PTCD3: variants seen among roughly 807,000 people sequenced by gnomAD.
PTCD3 encodes the protein pentatricopeptide repeat domain 3.
PTCD3 carries 89 observed loss-of-function variants against 101.9 expected under a neutral mutation model. That is an observed-to-expected ratio of 0.87 (90% CI 0.74 to 1.04). PTCD3 has a LOEUF of 1.04. Ranked by LOEUF, PTCD3 falls within the 50% of genes least tolerant of loss-of-function variation. The probability of loss-of-function intolerance (pLI) is 0.00; values close to 1 mark genes in which losing one functional copy is unlikely to be tolerated. For synonymous variants in PTCD3, 296 were observed against 278.5 expected, an observed-to-expected ratio of 1.06 and a Z score of -0.63; for missense variants, 870 against 828.2, an observed-to-expected ratio of 1.05 and a Z score of -0.62.
Position 86,137,681 on chromosome 2 carries a change from G to C in PTCD3, c.*122G>C. On this transcript the variant is annotated 3_prime_UTR_variant, in exon 24 of 24. Transcript: ENST00000254630. ...GAAAAGATACAGATTTGGTGAATTT[G>C]TTACTGTGAGGTACAGTCAGTACAC... The C allele has an allele frequency of 6.9e-7, 1 of 1,440,192 alleles. No homozygotes were observed. Among genetic ancestry groups the C allele is most frequent in the East Asian group, 2.6e-5 (1 of 39,112 alleles). 89.2% of individuals were successfully genotyped at this position (1,440,192 alleles called of 1,614,324 possible). A position where few individuals can be genotyped will look rare whatever the true frequency, so the allele number is the denominator to read the frequency against.
chr2:86,136,916 G>C, intron 22 of PTCD3, 66 bp from the exon 23 acceptor site: 1 of 1,575,012 alleles, frequency 6.3e-7, no homozygotes, highest in Non-Finnish European at 8.7e-7. Context: ...ACTTACACTG[G>C]ATCTTGCCTA....
intron 23 of PTCD3, 136 bp from the exon 24 acceptor site, chr2:86,137,333 A>T: frequency 7.4e-7 from 1 of 1,358,916 alleles, no homozygotes; most frequent in Non-Finnish European, 9.9e-7. Flanking sequence ...TTTTGTTTCT[A>T]ATATAGTTTA....
rs1475403237 is a variant in PTCD3, at chr2:86,141,528, A to G, written c.*3969A>G. 1 of 152,242 alleles carries G rather than the reference A, an allele frequency of 6.6e-6. No individual in the cohort carries two copies. The highest frequency in any genetic ancestry group is 1.5e-5 in the Non-Finnish European group (1 of 68,042). 9.4% of individuals were successfully genotyped at this position (152,242 alleles called of 1,614,324 possible). A position where few individuals can be genotyped will look rare whatever the true frequency, so the allele number is the denominator to read the frequency against. On this transcript the variant is annotated 3_prime_UTR_variant, in exon 24 of 24. Transcript: ENST00000254630. Reference sequence around the variant, plus strand: ...AACCTGTTAAGAGAACAGGGGATTTAAATACAAAGGAATATGAAGGTGGTG... The same window carrying G: ...AACCTGTTAAGAGAACAGGGGATTTGAATACAAAGGAATATGAAGGTGGTG...
intron 16 of PTCD3, among the ~76,000 whole-genome samples, chr2:86,131,838 A>G (rs1208325955): frequency 6.6e-6 from 1 of 152,258 alleles, no homozygotes; most frequent in Non-Finnish European, 1.5e-5. Context: ...TTCAATAGCA[A>G]AAACCACAAT....
rs560672839 is a variant in PTCD3, at chr2:86,116,370, T to C, written c.241-160T>C. On this transcript the variant is annotated intron_variant, in intron 4 of 23. Transcript: ENST00000254630. ...GGGTGACACAGCAAGACACCCTCTC[T>C]GCAAAAAATTTTGTGAAATGGCCAG... is the stretch of plus-strand genomic sequence containing the variant. Among the ~76,000 whole-genome samples, 18 of 152,280 alleles carry C rather than the reference T, an allele frequency of 1.2e-4. No individual in the cohort carries two copies. In the East Asian group the frequency reaches 3.1e-3, roughly 26 times the overall value.
chr2:86,119,283 T>A (rs1217372807), intron 7 of PTCD3: 4 of 513,622 alleles, frequency 7.8e-6, no homozygotes, highest in African/African-American at 2.0e-5. Context: ...AGAGAAATTG[T>A]ATCACCCTTC....
chr2:86,135,223 C>G (rs1212045278), intron 21 of PTCD3: 2 of 400,808 alleles, frequency 5.0e-6, no homozygotes, highest in Admixed American at 8.0e-5. Context: ...CTTTCTGTGT[C>G]TATGGACAAG....
chr2:86,121,882 A>G (rs1674290131), intron 8 of PTCD3, among the ~76,000 whole-genome samples: 1 of 152,228 alleles, frequency 6.6e-6, no homozygotes, highest in South Asian at 2.1e-4. Flanking sequence ...TAGAGTAATG[A>G]CATGATGTAT....
At position 86,137,136 on chromosome 2, in the gene PTCD3, C is replaced by G; in HGVS notation, c.1975C>G (p.Gln659Glu). 6.3e-7 allele frequency: 1 copy of G among 1,581,632 alleles called. No homozygotes were observed. The highest frequency in any genetic ancestry group is 1.4e-5 in the African/African-American group (1 of 73,760). The stretch of plus-strand genomic sequence containing the variant: ...GAGTGATTTTGCAATCAACCAGGAA[C>G]AAAAGTAAGTGGTCACCATGAAGCA... ...VMSDFAINQE[Q>E]KEALSNLTAL... Residue 659 changes from glutamine (Q) to glutamate (E), a missense_variant, in exon 23 of 24, where the codon CAA (glutamine) becomes GAA (glutamate). By Grantham distance (29) the Gln-to-Glu change is conservative (BLOSUM62 2). Transcript: ENST00000254630.
intron 15 of PTCD3, 125 bp from the exon 16 acceptor site, chr2:86,130,952 GT>G: frequency 1.4e-6 from 2 of 1,397,556 alleles, no homozygotes; most frequent in East Asian, 2.5e-5. Context: ...CCTCTCTTAA[GT>G]TTTTATGTTC....
intron 1 of PTCD3, 83 bp downstream of exon 1, chr2:86,106,434 A>G (rs2104443588): frequency 7.1e-7 from 1 of 1,414,280 alleles, no homozygotes; most frequent in East Asian, 2.3e-5. Flanking sequence ...GGAAGTAGGC[A>G]CGATGAAATG....
At chr2:86,123,643 C>T (rs1674333555) in intron 8 of PTCD3, 58 bp from the exon 9 acceptor site, 17 of 1,305,498 alleles carry the variant, frequency 1.3e-5, no homozygotes, top group African/African-American at 4.5e-5. Flanking sequence ...AGTAGTCTGA[C>T]TGGGAAATGC....
At position 86,125,043 on chromosome 2, in the gene PTCD3, T is replaced by C. The variant is rs1674358394; in HGVS notation, c.765T>C (p.Asn255=). The C allele has an allele frequency of 1.2e-6, 2 of 1,614,046 alleles. No homozygotes were observed. Among genetic ancestry groups the C allele is most frequent in the Middle Eastern group, 1.7e-4 (1 of 6,052 alleles). ...TCTTTTCTCTAATGCCAGAGAAAAA[T>C]GAACATTCCTATTGCACAATGATCC... ...ERIFSLMPEK[N]EHSYCTMIRG... The change falls in exon 10 of 24, where the codon AAT becomes AAC. Residue 255 remains asparagine (N), a synonymous_variant. Coordinates refer to ENST00000254630, the MANE Select transcript of PTCD3 (RefSeq NM_017952.6).
intron 23 of PTCD3, 119 bp downstream of exon 23, chr2:86,137,259 ATTTAATGACTATTTCATTTGT>A: frequency 7.5e-7 from 1 of 1,338,616 alleles, no homozygotes; most frequent in Non-Finnish European, 1.0e-6. Context: ...GAATGTAGTA[ATTTAATGACTATTTCATTTGT>A]CATGCAAGTC....
At chr2:86,117,554 C>A (rs1674197289) in intron 6 of PTCD3, among the ~76,000 whole-genome samples, 1 of 150,522 alleles carries the variant, frequency 6.6e-6, no homozygotes. Context: ...CTCAAGTGAT[C>A]CTCTTGCCTC....
intron 4 of PTCD3, among the ~76,000 whole-genome samples, chr2:86,113,858 G>T (rs1447537189): frequency 6.6e-6 from 1 of 152,118 alleles, no homozygotes; most frequent in South Asian, 2.1e-4. Context: ...TAAAGATAGT[G>T]TTGGGTCTAA....
chr2:86,132,375 G>A lies in PTCD3; in HGVS notation c.1324G>A (p.Gly442Arg), dbSNP rs200147987. Residue 442 changes from glycine to arginine, a missense_variant, in exon 17 of 24, where the codon GGA becomes AGA. Physicochemically the swap from Gly to Arg is moderately radical, Grantham distance 125. Coordinates refer to ENST00000254630, the MANE Select transcript of PTCD3 (RefSeq NM_017952.6). ...AYQVHGLLKT[G>R]DNWKFIGPDQ... ...CCAAGTACATGGCCTTTTAAAAACCGGAGACAACTGGAAATTCATTGGACC... is the reference window on the plus strand; with the variant it reads ...CCAAGTACATGGCCTTTTAAAAACCAGAGACAACTGGAAATTCATTGGACC... 16 of 1,608,864 alleles carry A rather than the reference G, an allele frequency of 9.9e-6. No individual in the cohort carries two copies. The highest frequency in any genetic ancestry group is 1.3e-5 in the African/African-American group (1 of 74,882).
intron 1 of PTCD3, among the ~76,000 whole-genome samples, 166 bp from the exon 2 acceptor site, chr2:86,108,184 A>G (rs1230946941): frequency 6.6e-6 from 1 of 152,032 alleles, no homozygotes; most frequent in Non-Finnish European, 1.5e-5. Flanking sequence ...CCATTCCTTA[A>G]TGATATTGAA....
At position 86,132,901 on chromosome 2, in the gene PTCD3, A is replaced by G. The variant is rs76702240; in HGVS notation, c.1374-277A>G. 1,140 of 444,920 alleles carry G rather than the reference A, an allele frequency of 2.6e-3. 14 individuals are homozygous for G. In the East Asian group the frequency reaches 0.034, roughly 13 times the overall value. The allele number at this position is 444,920 out of a possible 1,614,324, so 27.6% of individuals were successfully genotyped here. A position where few individuals can be genotyped will look rare whatever the true frequency, so the allele number is the denominator to read the frequency against. On this transcript the variant is annotated intron_variant, in intron 17 of 23. Coordinates refer to ENST00000254630, the MANE Select transcript of PTCD3 (RefSeq NM_017952.6). ...TATCCAAATCCTTGTTTCACATTGA[A>G]TGTTTTTAAAATGAATTTGAAATTC...
Sources: allele counts gnomAD v4.1 joint callset (sites outside exome capture counted in the v4.1 genomes callset), GRCh38; gene constraint gnomAD v4.1.1; transcripts MANE v1.5; gene names NCBI Gene and HGNC (gene_info 2026-07-23, HGNC 2026-07-21).